CD96: variants seen among roughly 807,000 people sequenced by gnomAD.
The protein encoded by CD96 is CD96 molecule, also known as T-cell surface protein tactile.
CD96 carries 70 observed loss-of-function variants against 71.3 expected under a neutral mutation model. The observed-to-expected ratio is 0.98, with a 90% CI of 0.81 to 1.20. CD96 has a LOEUF of 1.20. Among genes scored for constraint, CD96 ranks in the 50% most tolerant of loss-of-function variants. CD96 has a pLI of 0.00. For missense variants in CD96, 742 were observed against 677.5 expected, an observed-to-expected ratio of 1.10 and a Z score of -1.06; for synonymous variants, 248 against 233.0, an observed-to-expected ratio of 1.06 and a Z score of -0.59.
intron 1 of CD96, among the ~76,000 whole-genome samples, chr3:111,543,278 C>T (rs1934202308): frequency 6.6e-6 from 1 of 152,090 alleles, no homozygotes; most frequent in South Asian, 2.1e-4. Context: ...AACAGGATTC[C>T]ATGTTAATTC....
intron 3 of CD96, among the ~76,000 whole-genome samples, chr3:111,575,417 T>C (rs1936177211): frequency 6.6e-6 from 1 of 152,226 alleles, no homozygotes. Context: ...AAAGGCAGAC[T>C]GTTGCTTGTG....
intron 2 of CD96, among the ~76,000 whole-genome samples, chr3:111,557,032 G>A (rs1415696205): frequency 4.2e-5 from 5 of 119,356 alleles, no homozygotes; most frequent in Non-Finnish European, 6.6e-5. Flanking sequence ...CATGTCCTTC[G>A]CACACTTTTT....
chr3:111,640,561 T>C (rs1284555050), intron 12 of CD96, among the ~76,000 whole-genome samples: 1 of 152,152 alleles, frequency 6.6e-6, no homozygotes, highest in African/African-American at 2.4e-5. Context: ...CTGGAAAACA[T>C]ATTTGGGGGA....
At position 111,647,621 on chromosome 3, in the gene CD96, T is replaced by A; in HGVS notation, c.1556T>A (p.Leu519Ter). ...VAALLFCCMI[L>*]FGLGVRKWCQ... ...GCTTTACTCTTTTGCTGCATGATAT[T>A]GTTTGGTCTTGGAGTGAGAAAATGG... The change falls in exon 13 of 14, where the codon TTG (leucine) becomes TAG (stop). Residue 519 changes from leucine to a stop codon, truncating the protein, a stop_gained. Coordinates refer to ENST00000352690, the MANE Select transcript of CD96 (RefSeq NM_005816.5). LOFTEE classifies it high-confidence loss of function. 1 of 1,611,906 alleles carries A rather than the reference T, an allele frequency of 6.2e-7. No individual in the cohort carries two copies. Among genetic ancestry groups the A allele is most frequent in the Admixed American group, 1.7e-5 (1 of 60,008 alleles).
At chr3:111,664,312 G>A (rs1940429693) in intron 14 of CD96, among the ~76,000 whole-genome samples, 1 of 152,132 alleles carries the variant, frequency 6.6e-6, no homozygotes, top group African/African-American at 2.4e-5. Context: ...ATACACTGTG[G>A]AATACTATGC....
chr3:111,618,429 C>T (rs562292035), intron 8 of CD96, among the ~76,000 whole-genome samples: 215 of 152,200 alleles, frequency 1.4e-3, no homozygotes, highest in Middle Eastern at 6.8e-3. Context: ...GCATAAAAAA[C>T]AACAATGAAG....
rs371046832 is a variant in CD96, at chr3:111,662,649, G to A, written c.*53-2878G>A. ...AGTTCCATAGGTTTCTACAGCAGAGGCAAAATGCCACCAGTCTCTTTGCTA... is the reference window on the plus strand; with the variant it reads ...AGTTCCATAGGTTTCTACAGCAGAGACAAAATGCCACCAGTCTCTTTGCTA... On this transcript the variant is annotated intron_variant and NMD_transcript_variant, in intron 14 of 14. Coordinates refer to the CD96 transcript ENST00000494798. Among the ~76,000 whole-genome samples, 8 of 152,286 alleles carry A rather than the reference G, an allele frequency of 5.3e-5. No individual in the cohort carries two copies. In the East Asian group the frequency reaches 5.8e-4, roughly 11 times the overall value.
intron 6 of CD96, among the ~76,000 whole-genome samples, chr3:111,600,472 A>T (rs1576372782): frequency 6.6e-6 from 1 of 152,232 alleles, no homozygotes; most frequent in Non-Finnish European, 1.5e-5. Flanking sequence ...TTTTGGACAC[A>T]TGGTCACAAA....
intron 7 of CD96, among the ~76,000 whole-genome samples, chr3:111,604,296 C>A (rs1037388982): frequency 6.6e-6 from 1 of 152,122 alleles, no homozygotes; most frequent in Non-Finnish European, 1.5e-5. Context: ...TGGCTTTAGG[C>A]GGCAGCTTAC....
At chr3:111,656,172 G>GA (rs1940225212), downstream of CD96, among the ~76,000 whole-genome samples, 1 of 151,738 alleles carries the variant, frequency 6.6e-6, no homozygotes, top group Admixed American at 6.6e-5. Context: ...ATAAAAAACT[G>GA]AAAAATCCTA....
chr3:111,626,805 A>G (rs1230251801), intron 10 of CD96, among the ~76,000 whole-genome samples: 2 of 152,246 alleles, frequency 1.3e-5, no homozygotes, highest in South Asian at 2.1e-4. Flanking sequence ...TAATAACATT[A>G]TGTTGAATTA....
chr3:111,649,779 G>C lies in CD96; in HGVS notation c.1683G>C (p.Leu561=). The change falls in exon 14 of 14, where the codon CTG becomes CTC. Residue 561 remains leucine (L), a synonymous_variant. Transcript: ENST00000352690. ...TTCAAGAGCCCAACGAAAGTGATCT[G>C]CCTTATCATGAGATGGAGACCCTCT... The part of the protein sequence containing the change: ...TCIQEPNESD[L]PYHEMETL 6.2e-7 allele frequency: 1 copy of C among 1,611,474 alleles called. No homozygotes were observed. Among genetic ancestry groups the C allele is most frequent in the Non-Finnish European group, 8.5e-7 (1 of 1,177,538 alleles).
At chr3:111,588,663 A>G (rs752508562) in intron 5 of CD96, among the ~76,000 whole-genome samples, 1 of 152,166 alleles carries the variant, frequency 6.6e-6, no homozygotes, top group Non-Finnish European at 1.5e-5. Context: ...AGGTTATAAT[A>G]ACCATCAGAT....
chr3:111,647,024 A>G (rs1447648696), intron 12 of CD96, among the ~76,000 whole-genome samples: 1 of 150,712 alleles, frequency 6.6e-6, no homozygotes, highest in Non-Finnish European at 1.5e-5. Flanking sequence ...TCGAGTACAT[A>G]TGGACACAAA....
chr3:111,580,566 C>CA (rs202202992), intron 4 of CD96, among the ~76,000 whole-genome samples: 4 of 150,710 alleles, frequency 2.7e-5, no homozygotes, highest in East Asian at 3.9e-4. Flanking sequence ...GCAGAGCAAG[C>CA]AAAAAAAAAT....
intron 10 of CD96, 37 bp downstream of exon 10, chr3:111,624,441 C>T (rs772486658): frequency 3.5e-6 from 4 of 1,148,422 alleles, no homozygotes; most frequent in Admixed American, 1.7e-5. Context: ...GTCCTCTGGA[C>T]TTCAGTCATT....
chr3:111,661,983 C>A (rs1173887719), intron 14 of CD96, among the ~76,000 whole-genome samples: 1 of 152,236 alleles, frequency 6.6e-6, no homozygotes, highest in Non-Finnish European at 1.5e-5. Context: ...AGGGCTCTGC[C>A]CCTGCAGCAG....
At chr3:111,637,994 A>G in intron 11 of CD96, 85 bp from the exon 12 acceptor site, 1 of 825,172 alleles carries the variant, frequency 1.2e-6, no homozygotes, top group South Asian at 1.3e-5. Flanking sequence ...GAGTTCTTTC[A>G]AATAACATAT....
At chr3:111,632,413 A>C (rs1939113454) in intron 10 of CD96, among the ~76,000 whole-genome samples, 1 of 152,254 alleles carries the variant, frequency 6.6e-6, no homozygotes, top group Admixed American at 6.5e-5. Context: ...TCGAAACCGC[A>C]ATGAGATACC....
Sources: gnomAD v4.1 joint callset for allele counts (sites outside exome capture counted in the v4.1 genomes callset) on GRCh38, gnomAD v4.1.1 for gene constraint, MANE v1.5 for transcripts, NCBI Gene and HGNC (gene_info 2026-07-23, HGNC 2026-07-21) for gene names.